The following COL27A1 variants were observed in gnomAD, a reference collection of about 807,000 sequenced individuals.
COL27A1 encodes the protein collagen alpha-1(XXVII) chain.
COL27A1 carries 106 observed loss-of-function variants against 251.3 expected under a neutral mutation model. The observed-to-expected ratio is 0.42, with a 90% CI of 0.36 to 0.50. The LOEUF is 0.50. COL27A1 is among the 20% of genes least tolerant of loss of function. The probability of loss-of-function intolerance (pLI) is 0.00; values close to 1 mark genes in which losing one functional copy is unlikely to be tolerated. For missense variants in COL27A1, 2,325 were observed against 2,522.8 expected, an observed-to-expected ratio of 0.92 and a Z score of 1.68; for synonymous variants, 1,000 against 986.3, an observed-to-expected ratio of 1.01 and a Z score of -0.26.
chr9:114,269,407 A>C, intron 35 of COL27A1, 113 bp downstream of exon 35: 1 of 675,362 alleles, frequency 1.5e-6, no homozygotes, highest in Non-Finnish European at 2.5e-6. Context: ...AGTTACAGAA[A>C]TAGACTATGA....
chr9:114,231,216 T>G, intron 15 of COL27A1, 84 bp downstream of exon 15: 2 of 1,293,946 alleles, frequency 1.5e-6, no homozygotes, highest in South Asian at 1.2e-5. Context: ...AAGGGTGACC[T>G]TAGATGATGC....
intron 12 of COL27A1, among the ~76,000 whole-genome samples, chr9:114,212,064 G>GC (rs1175201253): frequency 6.6e-6 from 1 of 152,214 alleles, no homozygotes; most frequent in Non-Finnish European, 1.5e-5. Flanking sequence ...TTTAACCTGG[G>GC]CCCTCTGGGG....
At chr9:114,207,309 G>A (rs1479414901) in intron 10 of COL27A1, among the ~76,000 whole-genome samples, 1 of 152,198 alleles carries the variant, frequency 6.6e-6, no homozygotes, top group African/African-American at 2.4e-5. Context: ...GGGAGTGGGG[G>A]CGGGGAGGTG....
intron 27 of COL27A1, among the ~76,000 whole-genome samples, chr9:114,255,160 C>G (rs1833836772): frequency 1.3e-5 from 2 of 152,216 alleles, no homozygotes; most frequent in African/African-American, 4.8e-5. Flanking sequence ...AAAGTCACAT[C>G]TGGCCCAGGG....
At chr9:114,209,402 G>T (rs758315841) in intron 10 of COL27A1, 1 of 728,150 alleles carries the variant, frequency 1.4e-6, no homozygotes, top group South Asian at 1.4e-5. Flanking sequence ...CTGGCGTGGG[G>T]CGGGCCTCCT....
At chr9:114,266,438 G>T in intron 32 of COL27A1, 127 bp from the exon 33 acceptor site, 1 of 675,578 alleles carries the variant, frequency 1.5e-6, no homozygotes, top group Admixed American at 2.6e-5. Context: ...GGTGTGGCTG[G>T]GGCGGACTAG....
intron 2 of COL27A1, among the ~76,000 whole-genome samples, chr9:114,167,217 A>T (rs982876444): frequency 6.6e-6 from 1 of 152,224 alleles, no homozygotes; most frequent in African/African-American, 2.4e-5. Context: ...CACTCTCAGC[A>T]ACAGCATTTG....
At chr9:114,243,747 T>C (rs1414414365) in intron 23 of COL27A1, among the ~76,000 whole-genome samples, 187 bp downstream of exon 23, 1 of 151,774 alleles carries the variant, frequency 6.6e-6, no homozygotes, top group Non-Finnish European at 1.5e-5. Flanking sequence ...CTGTGGGGGA[T>C]TGTTCAAGTA....
At position 114,223,042 on chromosome 9, in the gene COL27A1, C is replaced by G. The variant is rs368214972; in HGVS notation, c.2466+775C>G. ...AGGTGGGAGGCGATCTGACCTGACT[C>G]CATCCAGGTGGTGTAGGCCTCGAGG... On this transcript the variant is annotated intron_variant, in intron 14 of 60. Coordinates refer to ENST00000356083, the MANE Select transcript of COL27A1 (RefSeq NM_032888.4). Among the ~76,000 whole-genome samples the G allele has an allele frequency of 3.9e-4, 59 of 152,292 alleles. No homozygotes were observed. The East Asian group carries it at 5.8e-3, about 15-fold the overall frequency.
chr9:114,278,983 G>T (rs755262808), intron 37 of COL27A1, among the ~76,000 whole-genome samples: 1 of 152,114 alleles, frequency 6.6e-6, no homozygotes, highest in Non-Finnish European at 1.5e-5. Flanking sequence ...GTATGCTCTC[G>T]GCTGGAGAGG....
Position 114,167,733 on chromosome 9 carries a change from G to A in COL27A1, c.178G>A (p.Gly60Arg), listed in dbSNP as rs74339956. The A allele has an allele frequency of 2.6e-3, 4,152 of 1,613,664 alleles. 103 individuals are homozygous for A. In the African/African-American group the frequency reaches 0.049, roughly 19 times the overall value. Residue 60 changes from glycine to arginine, a missense_variant, in exon 3 of 61, where the codon GGG becomes AGG. Gly to Arg is a moderately radical substitution (Grantham distance 125). Around this residue, in one of 4 missense-constraint regions of COL27A1, gnomAD observed 1,183 missense variants for 1,144.1 expected, o/e 1.03. Coordinates refer to ENST00000356083, the MANE Select transcript of COL27A1 (RefSeq NM_032888.4). ...GCTGGGCCTCAGCTGGACGAAGGCC[G>A]GGAGCCCTGCACCCCCGGGAGTCAT... Reference protein sequence around the residue: ...QRLGLSWTKAGSPAPPGVIPF... With the variant: ...QRLGLSWTKARSPAPPGVIPF...
chr9:114,289,071 C>CA, intron 44 of COL27A1, 104 bp downstream of exon 44: 1 of 1,426,746 alleles, frequency 7.0e-7, no homozygotes, highest in South Asian at 1.2e-5. Flanking sequence ...ACCCTCCCTG[C>CA]AGGAGGGTCT....
At chr9:114,191,895 CAGGGCTTA>C (rs144602307) in intron 5 of COL27A1, among the ~76,000 whole-genome samples, 3,824 of 152,210 alleles carry the variant, frequency 0.025, 140 homozygotes, top group African/African-American at 0.08. Flanking sequence ...AATATGTGTC[CAGGGCTTA>C]AGGAGCACAC....
chr9:114,221,925 C>T (rs1447160203), intron 13 of COL27A1, among the ~76,000 whole-genome samples: 3 of 152,354 alleles, frequency 2.0e-5, no homozygotes, highest in East Asian at 1.9e-4. Context: ...GCACCATGCA[C>T]GTCTGTATGA....
At chr9:114,237,307 A>T (rs527556239) in intron 18 of COL27A1, among the ~76,000 whole-genome samples, 1 of 152,302 alleles carries the variant, frequency 6.6e-6, no homozygotes, top group Admixed American at 6.5e-5. Flanking sequence ...AACAATAGTG[A>T]TGTTATCAGT....
chr9:114,196,012 G>A lies in COL27A1; in HGVS notation c.2124G>A (p.Lys708=), dbSNP rs775188127. 6.2e-7 allele frequency: 1 copy of A among 1,614,004 alleles called. No homozygotes were observed. Among genetic ancestry groups the A allele is most frequent in the Non-Finnish European group, 8.5e-7 (1 of 1,179,904 alleles). The part of the protein sequence containing the change: ...LSGNPGPPGR[K]GHKGYPGPAG... ...GGAATCCAGGACCTCCGGGACGAAA[G>A]GTACTGTTTGGTTTTGATGCTTTGC... The change falls in exon 7 of 61, where the codon AAG becomes AAA. Residue 708 remains lysine (K), a splice_region_variant and synonymous_variant. Coordinates refer to ENST00000356083, the MANE Select transcript of COL27A1 (RefSeq NM_032888.4).
chr9:114,267,641 T>C, intron 34 of COL27A1, 84 bp downstream of exon 34: 1 of 1,278,252 alleles, frequency 7.8e-7, no homozygotes, highest in Non-Finnish European at 1.1e-6. Context: ...GGAAGAGAAA[T>C]GGGCCTTTCT....
chr9:114,196,043 G>T (rs779565445), intron 7 of COL27A1, 31 bp downstream of exon 7: 15 of 1,602,204 alleles, frequency 9.4e-6, no homozygotes, highest in African/African-American at 2.7e-5. Flanking sequence ...TTTGCCTTGC[G>T]CAGTGGGCCT....
chr9:114,216,677 G>A (rs1830734152), intron 12 of COL27A1, among the ~76,000 whole-genome samples: 1 of 152,130 alleles, frequency 6.6e-6, no homozygotes, highest in Non-Finnish European at 1.5e-5. Context: ...ATTTGTTCCA[G>A]CACCTTTAAA....
Sources: allele counts gnomAD v4.1 joint callset (sites outside exome capture counted in the v4.1 genomes callset), GRCh38; gene constraint gnomAD v4.1.1; regional missense constraint gnomAD v4.1.1; transcripts MANE v1.5; gene names NCBI Gene and HGNC (gene_info 2026-07-23, HGNC 2026-07-21).